Variants in MYLK observed in about 807,000 individuals in gnomAD.
The protein encoded by MYLK is myosin light chain kinase.
A neutral mutation model predicts 203.4 loss-of-function variants in MYLK; 106 were observed. That is an observed-to-expected ratio of 0.52 (90% CI 0.45 to 0.61). The LOEUF is 0.61. MYLK is among the 20% of genes least tolerant of loss of function. The pLI, the probability that MYLK is intolerant of heterozygous loss-of-function variation, is 0.00. For missense variants in MYLK, 2,072 were observed against 2,442.3 expected, an observed-to-expected ratio of 0.85 and a Z score of 3.20; for synonymous variants, 867 against 959.5, an observed-to-expected ratio of 0.90 and a Z score of 1.78.
intron 2 of MYLK, among the ~76,000 whole-genome samples, chr3:123,856,989 C>T (rs1052372545): frequency 2.6e-5 from 4 of 152,080 alleles, no homozygotes; most frequent in Non-Finnish European, 4.4e-5. Context: ...GGGCGAAGGA[C>T]ATGAACAGAC....
intron 4 of MYLK, among the ~76,000 whole-genome samples, chr3:123,781,501 G>A (rs62262908): frequency 6.6e-6 from 1 of 152,222 alleles, no homozygotes; most frequent in African/African-American, 2.4e-5. Flanking sequence ...TGACAAATGG[G>A]AGAGGGGGTA....
chr3:123,845,395 G>T (rs746917629), intron 2 of MYLK, among the ~76,000 whole-genome samples: 1 of 152,182 alleles, frequency 6.6e-6, no homozygotes, highest in East Asian at 1.9e-4. Flanking sequence ...AATATTTACC[G>T]CAAGGACATG....
rs180923256 is a variant in MYLK at position 123,618,570 on chromosome 3, T to A, written c.5500+69A>T. On this transcript the variant is annotated intron_variant, in intron 33 of 33. Transcript: ENST00000360304. ...CACAGAACTGACTTCTTGCCCACGG[T>A]GCATGGTAGGGACTCTACCATCCAG... 1.3e-4 allele frequency: 216 copies of A among 1,604,256 alleles called. No individual in the cohort carries two copies. In the African/African-American group the frequency reaches 2.5e-3, roughly 18 times the overall value.
chr3:123,856,003 G>C (rs994490199), intron 2 of MYLK, among the ~76,000 whole-genome samples: 1 of 152,186 alleles, frequency 6.6e-6, no homozygotes, highest in Non-Finnish European at 1.5e-5. Flanking sequence ...AGAGGAAACA[G>C]TGAATACTGC....
At chr3:123,790,267 AG>A (rs2064723440) in intron 4 of MYLK, among the ~76,000 whole-genome samples, 1 of 152,226 alleles carries the variant, frequency 6.6e-6, no homozygotes, top group Non-Finnish European at 1.5e-5. Flanking sequence ...TAATCAGAAA[AG>A]CAAGGGCTTT....
At chr3:123,627,071 TC>T in intron 30 of MYLK, 130 bp from the exon 31 acceptor site, 1 of 988,674 alleles carries the variant, frequency 1.0e-6, no homozygotes. Flanking sequence ...TCCCGGACCA[TC>T]CACCGTGATC....
intron 29 of MYLK, among the ~76,000 whole-genome samples, chr3:123,637,606 A>C (rs1206706922): frequency 6.6e-6 from 1 of 152,090 alleles, no homozygotes; most frequent in Non-Finnish European, 1.5e-5. Flanking sequence ...CATATACTAG[A>C]CTCAAAGATG....
At chr3:123,809,920 T>C (rs2065499012) in intron 3 of MYLK, among the ~76,000 whole-genome samples, 1 of 152,210 alleles carries the variant, frequency 6.6e-6, no homozygotes, top group African/African-American at 2.4e-5. Context: ...TATTCCAACT[T>C]CTTAGGCCAC....
At chr3:123,869,753 G>T (rs544163068) in intron 2 of MYLK, among the ~76,000 whole-genome samples, 41 of 152,070 alleles carry the variant, frequency 2.7e-4, no homozygotes, top group Non-Finnish European at 5.4e-4. Context: ...ATTTTATAAG[G>T]GAGTGAACTG....
intron 19 of MYLK, among the ~76,000 whole-genome samples, chr3:123,685,184 C>T (rs1021968316): frequency 4.6e-5 from 7 of 152,246 alleles, no homozygotes; most frequent in African/African-American, 1.7e-4. Context: ...ATAATTTAAA[C>T]TGTCCCATCT....
At chr3:123,646,552 C>A (rs186351537) in intron 27 of MYLK, among the ~76,000 whole-genome samples, 87 of 152,278 alleles carry the variant, frequency 5.7e-4, no homozygotes, top group Admixed American at 2.0e-3. Context: ...CGTGTGTACA[C>A]GCATGCACCA....
At chr3:123,803,833 C>A (rs1447080543) in intron 3 of MYLK, among the ~76,000 whole-genome samples, 1 of 152,214 alleles carries the variant, frequency 6.6e-6, no homozygotes, top group Non-Finnish European at 1.5e-5. Flanking sequence ...CAGTCCCGAC[C>A]CACACCTGTG....
At chr3:123,833,303 T>C (rs2066392811) in intron 2 of MYLK, among the ~76,000 whole-genome samples, 1 of 152,190 alleles carries the variant, frequency 6.6e-6, no homozygotes, top group Non-Finnish European at 1.5e-5. Context: ...CTCTTGACCT[T>C]GAAGAGAAAG....
chr3:123,638,281 C>G, intron 28 of MYLK, 87 bp from the exon 29 acceptor site: 4 of 1,588,854 alleles, frequency 2.5e-6, no homozygotes, highest in South Asian at 1.1e-5. Flanking sequence ...TGTGTTGACC[C>G]CAACCTGGGA....
chr3:123,696,532 C>T (rs545993548), intron 18 of MYLK, among the ~76,000 whole-genome samples: 3 of 152,152 alleles, frequency 2.0e-5, no homozygotes, highest in Admixed American at 6.5e-5. Context: ...CCCACTGACA[C>T]GACCACTGAG....
At chr3:123,688,831 G>C (rs991139279) in intron 19 of MYLK, among the ~76,000 whole-genome samples, 1 of 151,950 alleles carries the variant, frequency 6.6e-6, no homozygotes, top group Non-Finnish European at 1.5e-5. Flanking sequence ...TCCTCAGAGG[G>C]GCCTCAGTGA....
rs570192510 is a variant in MYLK, at chr3:123,705,266, C to T, written c.2390+2488G>A. ...GTACCCTCAGGAAACTCTCCACTGACTTGCTTCTTCTCAGGTGGGGAAAAA... is the reference window on the plus strand; with the variant it reads ...GTACCCTCAGGAAACTCTCCACTGATTTGCTTCTTCTCAGGTGGGGAAAAA... On this transcript the variant is annotated intron_variant, in intron 16 of 33. Transcript: ENST00000360304. Among the ~76,000 whole-genome samples the T allele has an allele frequency of 1.6e-4, 24 of 152,326 alleles. No individual in the cohort carries two copies. In the South Asian group the frequency reaches 5.0e-3, roughly 32 times the overall value.
At position 123,693,897 on chromosome 3, in the gene MYLK, C is replaced by T. The variant is rs557317725; in HGVS notation, c.3449-1046G>A. Among the ~76,000 whole-genome samples the T allele has an allele frequency of 5.4e-4, 82 of 152,322 alleles. No homozygotes were observed. In the South Asian group the frequency reaches 0.011, roughly 21 times the overall value. Reference sequence around the variant, plus strand: ...TGTTGTCAGGGAAGCAACCGTCACACAGGAGGACAGAGCCAGGGCCACATG... The same window carrying T: ...TGTTGTCAGGGAAGCAACCGTCACATAGGAGGACAGAGCCAGGGCCACATG... On this transcript the variant is annotated intron_variant, in intron 18 of 33. Transcript: ENST00000360304.
At chr3:123,647,500 A>G (rs2059061883) in intron 26 of MYLK, 73 bp from the exon 27 acceptor site, 1 of 1,330,028 alleles carries the variant, frequency 7.5e-7, no homozygotes, top group East Asian at 2.3e-5. Flanking sequence ...TTGGCAAATT[A>G]TGGCCCATGG....
Sources: gnomAD v4.1 joint callset for allele counts (sites outside exome capture counted in the v4.1 genomes callset) on GRCh38, gnomAD v4.1.1 for gene constraint, MANE v1.5 for transcripts, NCBI Gene and HGNC (gene_info 2026-07-23, HGNC 2026-07-21) for gene names.